Variants in CPNE4 observed in about 807,000 individuals in gnomAD.
CPNE4 encodes the protein copine-4.
Under a neutral mutation model 67.9 loss-of-function variants are expected in CPNE4, and 25 were observed. That is an observed-to-expected ratio of 0.37 (90% CI 0.27 to 0.51). The LOEUF (loss-of-function observed/expected upper bound fraction) is 0.51, where lower values mean the gene tolerates loss of function less well. Ranked by LOEUF, CPNE4 falls within the 20% of genes least tolerant of loss-of-function variation. The pLI, the probability that CPNE4 is intolerant of heterozygous loss-of-function variation, is 0.93. For synonymous variants in CPNE4, 242 were observed against 244.9 expected, an observed-to-expected ratio of 0.99 and a Z score of 0.11; for missense variants, 464 against 690.8, an observed-to-expected ratio of 0.67 and a Z score of 3.68.
At chr3:131,861,663 C>G (rs566446529) in intron 2 of CPNE4, among the ~76,000 whole-genome samples, 2 of 152,062 alleles carry the variant, frequency 1.3e-5, no homozygotes, top group African/African-American at 4.8e-5. Context: ...GAACTCCTGA[C>G]CTCAGGCGAT....
At position 131,897,464 on chromosome 3, in the gene CPNE4, T is replaced by G. The variant is rs1373249799; in HGVS notation, c.180+7800A>C. Among the ~76,000 whole-genome samples, 4 of 152,076 alleles carry G rather than the reference T, an allele frequency of 2.6e-5. No individual in the cohort carries two copies. The East Asian group carries it at 7.7e-4, about 29-fold the overall frequency. On this transcript the variant is annotated intron_variant, in intron 2 of 15. Coordinates refer to ENST00000429747, the MANE Select transcript of CPNE4 (RefSeq NM_130808.3). ...ACAGTGAAGGATAGCAGGAGGACAGTTTTGAAGTCAGACAGTCTGGGTTCA... is the reference window on the plus strand; with the variant it reads ...ACAGTGAAGGATAGCAGGAGGACAGGTTTGAAGTCAGACAGTCTGGGTTCA...
intron 2 of CPNE4, among the ~76,000 whole-genome samples, chr3:131,782,809 C>T (rs1279357601): frequency 6.6e-6 from 1 of 152,116 alleles, no homozygotes; most frequent in East Asian, 1.9e-4. Flanking sequence ...CATCTCTTCT[C>T]AGTGAAGTGA....
chr3:131,777,345 G>T (rs187190804), intron 2 of CPNE4, among the ~76,000 whole-genome samples: 1 of 151,264 alleles, frequency 6.6e-6, no homozygotes, highest in South Asian at 2.1e-4. Flanking sequence ...AATTTTTAAG[G>T]TGATTTTGAA....
intron 2 of CPNE4, among the ~76,000 whole-genome samples, chr3:131,765,305 A>G (rs1250853442): frequency 6.6e-6 from 1 of 152,172 alleles, no homozygotes; most frequent in African/African-American, 2.4e-5. Context: ...TACTGGGAAC[A>G]ACCAGAAGTA....
At chr3:131,999,984 T>C (rs971138694) in intron 1 of CPNE4, among the ~76,000 whole-genome samples, 1 of 151,978 alleles carries the variant, frequency 6.6e-6, no homozygotes, top group Non-Finnish European at 1.5e-5. Context: ...TAACATTTTC[T>C]TGATGCAGAT....
At chr3:132,035,849 G>A (rs1041107593), upstream of CPNE4, among the ~76,000 whole-genome samples, 1 of 152,174 alleles carries the variant, frequency 6.6e-6, no homozygotes, top group African/African-American at 2.4e-5. Context: ...TTCTGACATT[G>A]GGATGGTATA....
At chr3:131,670,356 A>G (rs968303) in intron 6 of CPNE4, among the ~76,000 whole-genome samples, 52,888 of 152,162 alleles carry the variant, frequency 0.35, 9,698 homozygotes, top group African/African-American at 0.45. Context: ...GGCGTGACAA[A>G]GCAGATCTTA....
At chr3:131,683,057 C>A (rs2080797143) in intron 6 of CPNE4, among the ~76,000 whole-genome samples, 1 of 152,130 alleles carries the variant, frequency 6.6e-6, no homozygotes, top group South Asian at 2.1e-4. Context: ...TTACCCAAAG[C>A]CAGTCCAGAA....
At chr3:131,585,620 C>T (rs1220632631) in intron 8 of CPNE4, among the ~76,000 whole-genome samples, 1 of 152,012 alleles carries the variant, frequency 6.6e-6, no homozygotes, top group Admixed American at 6.6e-5. Flanking sequence ...TGAAATATTT[C>T]CCATATTTAC....
intron 2 of CPNE4, among the ~76,000 whole-genome samples, chr3:131,762,578 A>G (rs2107816291): frequency 6.6e-6 from 1 of 152,188 alleles, no homozygotes; most frequent in Middle Eastern, 3.4e-3. Flanking sequence ...GTGAGAGAAA[A>G]AAAACGTAGA....
chr3:132,038,588 C>G (rs2074371975), upstream of CPNE4, among the ~76,000 whole-genome samples: 1 of 152,162 alleles, frequency 6.6e-6, no homozygotes, highest in African/African-American at 2.4e-5. Flanking sequence ...TCCTATTGCT[C>G]TATTAATGAG....
At chr3:131,688,583 T>C (rs1318286407) in intron 5 of CPNE4, among the ~76,000 whole-genome samples, 2 of 152,206 alleles carry the variant, frequency 1.3e-5, no homozygotes, top group Non-Finnish European at 2.9e-5. Context: ...ACTTCACGCT[T>C]TGCCTCTTTA....
At chr3:131,879,305 C>T (rs559245225) in intron 2 of CPNE4, among the ~76,000 whole-genome samples, 2 of 152,284 alleles carry the variant, frequency 1.3e-5, no homozygotes, top group African/African-American at 4.8e-5. Flanking sequence ...AATCATGCAA[C>T]TAATGTAAGT....
At chr3:131,822,474 T>C (rs777475660) in intron 2 of CPNE4, among the ~76,000 whole-genome samples, 1 of 152,220 alleles carries the variant, frequency 6.6e-6, no homozygotes, top group Non-Finnish European at 1.5e-5. Context: ...TTCATATCCA[T>C]ATATAATTCA....
chr3:131,582,931 A>T (rs1419757344), intron 8 of CPNE4, among the ~76,000 whole-genome samples: 1 of 152,198 alleles, frequency 6.6e-6, no homozygotes, highest in Non-Finnish European at 1.5e-5. Context: ...TGTTGAGTAC[A>T]TAGTGATTGT....
At chr3:132,026,554 A>G (rs2107696680) in intron 1 of CPNE4, among the ~76,000 whole-genome samples, 1 of 152,296 alleles carries the variant, frequency 6.6e-6, no homozygotes, top group East Asian at 1.9e-4. Context: ...TGCTTTGACA[A>G]CTGACCAAAT....
chr3:131,812,160 A>G (rs1475380651), intron 2 of CPNE4, among the ~76,000 whole-genome samples: 2 of 151,538 alleles, frequency 1.3e-5, no homozygotes, highest in Non-Finnish European at 2.9e-5. Flanking sequence ...ATTAGGATGC[A>G]GTCTTTATGG....
intron 1 of CPNE4, among the ~76,000 whole-genome samples, chr3:131,986,724 G>A (rs1004070430): frequency 3.3e-5 from 5 of 151,592 alleles, no homozygotes; most frequent in Admixed American, 2.6e-4. Flanking sequence ...GTGAAACCCA[G>A]TCTCTACTAA....
intron 2 of CPNE4, among the ~76,000 whole-genome samples, chr3:131,900,600 G>C (rs2088517355): frequency 6.6e-6 from 1 of 152,090 alleles, no homozygotes; most frequent in Admixed American, 6.5e-5. Flanking sequence ...GATAGGGTGA[G>C]ATTACTGGAC....
Sources: allele counts gnomAD v4.1 joint callset (sites outside exome capture counted in the v4.1 genomes callset), GRCh38; gene constraint gnomAD v4.1.1; transcripts MANE v1.5; gene names NCBI Gene and HGNC (gene_info 2026-07-23, HGNC 2026-07-21).